ZNF169: variants seen among roughly 807,000 people sequenced by gnomAD.
ZNF169 encodes zinc finger protein 169.
Under a neutral mutation model 12.0 loss-of-function variants are expected in ZNF169, and 11 were observed. The observed-to-expected ratio is 0.92, with a 90% confidence interval of 0.58 to 1.52. ZNF169 has a LOEUF of 1.52. ZNF169 is among the 40% of genes most tolerant of loss of function. The pLI is 0.00. For missense variants in ZNF169, 722 were observed against 744.0 expected (o/e 0.97, Z 0.34); for synonymous variants, 302 against 286.5 (o/e 1.05, Z -0.55).
chr9:94,269,914 A>G (rs922325905), intron 1 of ZNF169, among the ~76,000 whole-genome samples: 5 of 152,116 alleles, frequency 3.3e-5, no homozygotes, highest in African/African-American at 9.7e-5. Flanking sequence ...TGCTGGGGTG[A>G]TTACTCTTAC....
chr9:94,282,177 G>A (rs1234455065), intron 2 of ZNF169, among the ~76,000 whole-genome samples: 13 of 152,096 alleles, frequency 8.5e-5, no homozygotes. Flanking sequence ...GATATATAGG[G>A]TTAAATAAAA....
Position 94,300,908 on chromosome 9 carries a change from G to A in ZNF169, c.1350G>A (p.Arg450=), listed in dbSNP as rs754101507. ...SQKVTLIGHQ[R]THTGEKPYLC... ...AGGTCACCCTCATTGGACACCAGAG[G>A]ACACACACAGGGGAGAAGCCCTACC... is the stretch of plus-strand genomic sequence containing the variant. The change falls in exon 5 of 5, where the codon AGG becomes AGA. Residue 450 remains arginine, a synonymous_variant. Coordinates refer to ENST00000395395, the MANE Select transcript of ZNF169 (RefSeq NM_194320.4). 3 of 1,611,238 alleles carry A rather than the reference G, an allele frequency of 1.9e-6. No homozygotes were observed. In the Admixed American group the frequency reaches 5.0e-5, roughly 27 times the overall value.
chr9:94,292,432 T>TGA lies in ZNF169; in HGVS notation c.126_127dup (p.Met43ArgfsTer71). On this transcript the variant is annotated frameshift_variant, in exon 3 of 5. Coordinates refer to ENST00000395395, the MANE Select transcript of ZNF169 (RefSeq NM_194320.4). LOFTEE classifies it high-confidence loss of function. ...GCTCAGAGGACCCTGTACAGGGAGGTGATGCTGGAGAACTACAGCCATCTG... is the reference window on the plus strand; with the variant it reads ...GCTCAGAGGACCCTGTACAGGGAGGTGAGATGCTGGAGAACTACAGCCATCTG... 2 of 1,613,890 alleles carry TGA rather than the reference T, an allele frequency of 1.2e-6. No individual in the cohort carries two copies. The highest frequency in any genetic ancestry group is 2.2e-5 in the South Asian group (2 of 91,064).
intron 4 of ZNF169, 29 bp from the exon 5 acceptor site, chr9:94,299,786 G>T: frequency 6.3e-7 from 1 of 1,584,090 alleles, no homozygotes; most frequent in South Asian, 1.2e-5. Context: ...CACCTGTGGT[G>T]ATTCTGACCA....
chr9:94,287,879 CT>C, intron 2 of ZNF169: 1 of 993,208 alleles, frequency 1.0e-6, no homozygotes, highest in Non-Finnish European at 1.6e-6. Flanking sequence ...CGATCTGATA[CT>C]TGGCTGCTAT....
chr9:94,299,582 A>C, intron 4 of ZNF169: 1 of 1,363,164 alleles, frequency 7.3e-7, no homozygotes, highest in Non-Finnish European at 9.4e-7. Context: ...GTGTAACTCT[A>C]CTTGCAGCAA....
intron 4 of ZNF169, 177 bp from the exon 5 acceptor site, chr9:94,299,638 T>A: frequency 2.2e-6 from 3 of 1,390,712 alleles, no homozygotes; most frequent in Non-Finnish European, 2.8e-6. Context: ...AACCTTTTAG[T>A]TTGGCTGATA....
chr9:94,260,486 G>T (rs201377524), intron 1 of ZNF169, among the ~76,000 whole-genome samples: 5 of 75,500 alleles, frequency 6.6e-5, no homozygotes, highest in East Asian at 4.5e-4. Context: ...TTGATAGTGG[G>T]GGGGGGGACG....
At chr9:94,298,906 T>C (rs1831002361) in intron 4 of ZNF169, among the ~76,000 whole-genome samples, 1 of 152,126 alleles carries the variant, frequency 6.6e-6, no homozygotes, top group South Asian at 2.1e-4. Flanking sequence ...TTTGAAAAAG[T>C]CAATTTGTAT....
chr9:94,294,386 T>G (rs1278853609), intron 4 of ZNF169: 2 of 151,930 alleles, frequency 1.3e-5, no homozygotes, highest in Non-Finnish European at 2.9e-5. Context: ...TGCAGTGAAC[T>G]GAGATTGCGC....
At chr9:94,297,996 G>C (rs1271538217) in intron 4 of ZNF169, among the ~76,000 whole-genome samples, 2 of 151,870 alleles carry the variant, frequency 1.3e-5, no homozygotes, top group African/African-American at 4.8e-5. Context: ...GTGAGACCCT[G>C]TCACTACTAA....
At chr9:94,299,161 C>G (rs1021594405) in intron 4 of ZNF169, among the ~76,000 whole-genome samples, 8 of 152,178 alleles carry the variant, frequency 5.3e-5, no homozygotes, top group Admixed American at 4.6e-4. Context: ...AGGACAGCAC[C>G]TTCATTTGCC....
chr9:94,301,615 A>C lies in ZNF169; in HGVS notation c.*245A>C, dbSNP rs1831080527. Among the ~76,000 whole-genome samples, 1 of 152,180 alleles carries C rather than the reference A, an allele frequency of 6.6e-6. No individual in the cohort carries two copies. The highest frequency in any genetic ancestry group is 2.4e-5 in the African/African-American group (1 of 41,450). On this transcript the variant is annotated 3_prime_UTR_variant, in exon 5 of 5. Coordinates refer to ENST00000395395, the MANE Select transcript of ZNF169 (RefSeq NM_194320.4). ...CATATTTATGGAGGCTGGAAGTCCC[A>C]GATGAACGTATTGGTAGGTTTGGCT...
chr9:94,279,634 T>C (rs3131903), intron 2 of ZNF169, among the ~76,000 whole-genome samples: 147,279 of 151,276 alleles, frequency 0.97, 71,702 homozygotes, highest in East Asian at 1. Flanking sequence ...AGCAAGACTC[T>C]GTCTCAAAAA....
intron 1 of ZNF169, among the ~76,000 whole-genome samples, chr9:94,260,336 A>G (rs1830178943): frequency 6.6e-6 from 1 of 152,212 alleles, no homozygotes; most frequent in South Asian, 2.1e-4. Flanking sequence ...TACAGGCGTG[A>G]GCCACCGTGC....
At chr9:94,277,102 C>T (rs894263905) in intron 1 of ZNF169, among the ~76,000 whole-genome samples, 2 of 152,066 alleles carry the variant, frequency 1.3e-5, no homozygotes, top group Admixed American at 1.3e-4. Flanking sequence ...TTCAGAAAGA[C>T]GGGACAACTC....
At chr9:94,267,591 G>C (rs752334799) in intron 1 of ZNF169, among the ~76,000 whole-genome samples, 1 of 152,178 alleles carries the variant, frequency 6.6e-6, no homozygotes, top group Non-Finnish European at 1.5e-5. Flanking sequence ...GTTAAAAGCT[G>C]TTAATAGCTC....
intron 2 of ZNF169, among the ~76,000 whole-genome samples, chr9:94,287,288 C>A (rs1276715665): frequency 6.6e-6 from 1 of 152,152 alleles, no homozygotes; most frequent in Non-Finnish European, 1.5e-5. Context: ...TGATATTTAG[C>A]AATACTTGCA....
At chr9:94,266,121 T>G (rs1239233141) in intron 1 of ZNF169, among the ~76,000 whole-genome samples, 1 of 151,834 alleles carries the variant, frequency 6.6e-6, no homozygotes, top group African/African-American at 2.4e-5. Context: ...AGTTATTTTG[T>G]CATGCTTTAA....
Sources: allele counts gnomAD v4.1 joint callset (sites outside exome capture counted in the v4.1 genomes callset), GRCh38; gene constraint gnomAD v4.1.1; transcripts MANE v1.5; gene names NCBI Gene and HGNC (gene_info 2026-07-23, HGNC 2026-07-21).